The following CTNND2 variants were observed in gnomAD, a reference collection of about 807,000 sequenced individuals.
The protein encoded by CTNND2 is catenin delta-2.
Under a neutral mutation model 144.4 loss-of-function variants are expected in CTNND2, and 22 were observed. The ratio of observed to expected loss-of-function variants is 0.15; its 90% CI spans 0.11 to 0.22. The LOEUF (loss-of-function observed/expected upper bound fraction) is 0.22, where lower values mean the gene tolerates loss of function less well. Ranked by LOEUF, CTNND2 falls within the 10% of genes least tolerant of loss-of-function variation. The probability of loss-of-function intolerance (pLI) is 1.00; values close to 1 mark genes in which losing one functional copy is unlikely to be tolerated. For missense variants in CTNND2, 1,353 were observed against 1,618.8 expected, an observed-to-expected ratio of 0.84 and a Z score of 2.82; for synonymous variants, 751 against 695.6, an observed-to-expected ratio of 1.08 and a Z score of -1.25.
intron 1 of CTNND2, among the ~76,000 whole-genome samples, chr5:11,848,846 G>C (rs1475915123): frequency 6.6e-6 from 1 of 152,122 alleles, no homozygotes; most frequent in African/African-American, 2.4e-5. Context: ...ATCCAGGCTA[G>C]ATCAGGCAGA....
chr5:11,515,638 A>G (rs1308182317), intron 3 of CTNND2, among the ~76,000 whole-genome samples: 1 of 152,210 alleles, frequency 6.6e-6, no homozygotes, highest in Non-Finnish European at 1.5e-5. Context: ...TTTTTGCAAC[A>G]CTACAAAGTA....
chr5:11,544,711 G>A (rs1301635978), intron 3 of CTNND2, among the ~76,000 whole-genome samples: 1 of 152,242 alleles, frequency 6.6e-6, no homozygotes, highest in Non-Finnish European at 1.5e-5. Context: ...GGCTGGGCAT[G>A]GTGGCTCATG....
intron 3 of CTNND2, among the ~76,000 whole-genome samples, chr5:11,559,645 G>A (rs1776526236): frequency 6.6e-6 from 1 of 152,108 alleles, no homozygotes; most frequent in Admixed American, 6.6e-5. Flanking sequence ...CTCCCCATTG[G>A]AGCCTTCCAG....
chr5:11,147,491 A>G (rs1757349954), intron 12 of CTNND2, among the ~76,000 whole-genome samples: 1 of 152,192 alleles, frequency 6.6e-6, no homozygotes, highest in South Asian at 2.1e-4. Flanking sequence ...GGGGCCCCAC[A>G]TGAGGCTGGA....
intron 9 of CTNND2, among the ~76,000 whole-genome samples, chr5:11,250,746 G>A (rs1743540630): frequency 6.6e-6 from 1 of 151,712 alleles, no homozygotes; most frequent in Admixed American, 6.6e-5. Context: ...CCAACTCCAA[G>A]GCTCAAGTGA....
Position 11,097,291 on chromosome 5 carries a change from G to A in CTNND2, c.2637+1284C>T, listed in dbSNP as rs547784295. On this transcript the variant is annotated intron_variant, in intron 15 of 21. Transcript: ENST00000304623. ...TAGTATCTCTTTCCTGCTCCTGTAA[G>A]ACTATGCTTGGGATGTCTACCTGGT... 5.9e-5 allele frequency among the ~76,000 whole-genome samples: 9 copies of A among 152,294 alleles called. No individual in the cohort carries two copies. The South Asian group carries it at 1.9e-3, about 32-fold the overall frequency.
At chr5:11,082,447 C>T (rs577563502) in intron 16 of CTNND2, among the ~76,000 whole-genome samples, 105 of 152,244 alleles carry the variant, frequency 6.9e-4, no homozygotes, top group Middle Eastern at 6.8e-3. Flanking sequence ...TATCCTGTGC[C>T]GAGCATTGAG....
intron 3 of CTNND2, among the ~76,000 whole-genome samples, chr5:11,533,843 T>C (rs1006954896): frequency 1.3e-5 from 2 of 152,224 alleles, no homozygotes; most frequent in South Asian, 2.1e-4. Context: ...CTGATGTCAA[T>C]GTTCCTAGGC....
intron 1 of CTNND2, among the ~76,000 whole-genome samples, chr5:11,857,414 G>A (rs1795301508): frequency 6.6e-6 from 1 of 152,206 alleles, no homozygotes; most frequent in Admixed American, 6.5e-5. Context: ...AGCAGTCAAT[G>A]AGGGTGTGTC....
At chr5:11,511,053 A>G (rs1771593342) in intron 3 of CTNND2, among the ~76,000 whole-genome samples, 1 of 152,246 alleles carries the variant, frequency 6.6e-6, no homozygotes, top group East Asian at 1.9e-4. Context: ...AATGCGTACT[A>G]TGTCCAAGTA....
intron 2 of CTNND2, chr5:11,588,897 T>C: frequency 8.1e-6 from 8 of 985,338 alleles, no homozygotes; most frequent in Non-Finnish European, 8.4e-6. Context: ...CCTCCCTCCC[T>C]GCACCACGGC....
At chr5:11,438,685 C>T (rs1238442685) in intron 3 of CTNND2, among the ~76,000 whole-genome samples, 2 of 152,314 alleles carry the variant, frequency 1.3e-5, no homozygotes, top group Non-Finnish European at 2.9e-5. Context: ...AAGATTAACA[C>T]GTTCTCTGAA....
At chr5:11,843,943 A>T (rs909882653) in intron 1 of CTNND2, among the ~76,000 whole-genome samples, 3 of 152,202 alleles carry the variant, frequency 2.0e-5, no homozygotes, top group African/African-American at 7.2e-5. Context: ...TCAAATTATA[A>T]AATATCAGTA....
At chr5:11,205,942 T>C (rs374383680) in intron 10 of CTNND2, among the ~76,000 whole-genome samples, 66 of 152,328 alleles carry the variant, frequency 4.3e-4, no homozygotes, top group African/African-American at 1.5e-3. Context: ...GTTACTTAAA[T>C]GCCTGTAAAG....
chr5:11,828,931 T>A (rs976400900), intron 1 of CTNND2, among the ~76,000 whole-genome samples: 1 of 152,016 alleles, frequency 6.6e-6, no homozygotes, highest in African/African-American at 2.4e-5. Flanking sequence ...GACAATAAAG[T>A]CCAGGCAGAG....
intron 7 of CTNND2, among the ~76,000 whole-genome samples, chr5:11,376,217 C>G (rs1347111195): frequency 6.6e-6 from 1 of 151,822 alleles, no homozygotes; most frequent in African/African-American, 2.4e-5. Context: ...TTTATAGCAA[C>G]CTAAACAGAC....
intron 9 of CTNND2, among the ~76,000 whole-genome samples, chr5:11,281,555 C>T (rs1747116571): frequency 1.3e-5 from 2 of 152,182 alleles, no homozygotes; most frequent in African/African-American, 4.8e-5. Context: ...TTTGCTAGGG[C>T]TACCATAACA....
intron 1 of CTNND2, among the ~76,000 whole-genome samples, chr5:11,887,140 C>T (rs565333582): frequency 3.3e-5 from 5 of 151,990 alleles, no homozygotes; most frequent in South Asian, 2.1e-4. Flanking sequence ...CATACCGCCA[C>T]GCCCAGCTAA....
At position 11,384,898 on chromosome 5, in the gene CTNND2, G is replaced by A; in HGVS notation, c.944C>T (p.Ser315Leu). ...CGAGGACACGACGATGTTGATGGGC[G>A]AGCTGGTGCTGTAGGACTTGGCCAG... Reference protein sequence around the residue: ...SRLAKSYSTSSPINIVVSSAG... With the variant: ...SRLAKSYSTSLPINIVVSSAG... Residue 315 changes from serine (S) to leucine (L), a missense_variant, in exon 7 of 22, where the codon TCG (serine) becomes TTG (leucine). By Grantham distance (145) the Ser-to-Leu change is moderately radical. Coordinates refer to ENST00000304623, the MANE Select transcript of CTNND2 (RefSeq NM_001332.4). The surrounding 1 kb of genome is among the most constrained non-coding windows in gnomAD (Gnocchi z 5.2). The A allele has an allele frequency of 6.2e-7, 1 of 1,610,168 alleles. No homozygotes were observed. Among genetic ancestry groups the A allele is most frequent in the Non-Finnish European group, 8.5e-7 (1 of 1,178,848 alleles).
Sources: gnomAD v4.1 joint callset for allele counts (sites outside exome capture counted in the v4.1 genomes callset) on GRCh38, gnomAD v4.1.1 for gene constraint, Gnocchi (gnomAD v3.1) non-coding constraint, MANE v1.5 for transcripts, NCBI Gene and HGNC (gene_info 2026-07-23, HGNC 2026-07-21) for gene names.